Variants in GPSM2 observed in about 807,000 individuals in gnomAD.
GPSM2 encodes G protein signaling modulator 2.
Under a neutral mutation model 78.4 loss-of-function variants are expected in GPSM2, and 58 were observed. The observed-to-expected ratio is 0.74, with a 90% CI of 0.60 to 0.92. The LOEUF (loss-of-function observed/expected upper bound fraction) is 0.92, where lower values mean the gene tolerates loss of function less well. Ranked by LOEUF, GPSM2 falls within the 40% of genes least tolerant of loss-of-function variation. GPSM2 has a pLI of 0.00. For synonymous variants in GPSM2, 224 were observed against 280.2 expected, an observed-to-expected ratio of 0.80 and a Z score of 2.00; for missense variants, 700 against 815.5, an observed-to-expected ratio of 0.86 and a Z score of 1.73.
chr1:108,893,191 G>C (rs1258067097), intron 2 of GPSM2, among the ~76,000 whole-genome samples: 1 of 152,184 alleles, frequency 6.6e-6, no homozygotes. Flanking sequence ...GTCATTTGTG[G>C]TGAAGTTATT....
intron 12 of GPSM2, among the ~76,000 whole-genome samples, chr1:108,919,704 C>CA (rs1321723548): frequency 5.3e-5 from 8 of 150,226 alleles, no homozygotes; most frequent in East Asian, 2.0e-4. Context: ...GACCCTGTCT[C>CA]AAAAAAAAGA....
chr1:108,921,081 G>A (rs1650669041), intron 12 of GPSM2, among the ~76,000 whole-genome samples: 1 of 152,070 alleles, frequency 6.6e-6, no homozygotes, highest in African/African-American at 2.4e-5. Flanking sequence ...TGTCATGCAA[G>A]ATACCCTCTT....
In GPSM2 at chr1:108,927,215, C is replaced by T. The variant is rs553651615; in HGVS notation, c.1816-2486C>T. Among the ~76,000 whole-genome samples the T allele has an allele frequency of 2.6e-5, 4 of 152,294 alleles. No homozygotes were observed. In the South Asian group the frequency reaches 6.2e-4, roughly 24 times the overall value. ...ACTTAATAATGTTAACATTTCGATACTATCCAAAGTGACCTACAAATTCAG... is the reference window on the plus strand; with the variant it reads ...ACTTAATAATGTTAACATTTCGATATTATCCAAAGTGACCTACAAATTCAG... On this transcript the variant is annotated intron_variant, in intron 14 of 14. Coordinates refer to ENST00000264126, the MANE Select transcript of GPSM2 (RefSeq NM_013296.5).
At chr1:108,901,991 C>G (rs1460954177) in intron 8 of GPSM2, 46 bp downstream of exon 8, 1 of 1,293,502 alleles carries the variant, frequency 7.7e-7, no homozygotes, top group Non-Finnish European at 1.1e-6. Context: ...AATATAGATG[C>G]ATTATTGAAT....
chr1:108,891,999 G>A (rs2101368839), intron 2 of GPSM2, among the ~76,000 whole-genome samples: 1 of 152,214 alleles, frequency 6.6e-6, no homozygotes, highest in Admixed American at 6.5e-5. Flanking sequence ...CTAGATATAT[G>A]TGGTAAATTG....
intron 2 of GPSM2, among the ~76,000 whole-genome samples, chr1:108,891,386 G>C (rs924980953): frequency 3.9e-5 from 6 of 152,182 alleles, no homozygotes; most frequent in African/African-American, 1.2e-4. Context: ...TGGAGACAAA[G>C]ATAAATTTTC....
At chr1:108,920,702 TAAAAGG>T in intron 12 of GPSM2, among the ~76,000 whole-genome samples, 1 of 152,214 alleles carries the variant, frequency 6.6e-6, no homozygotes, top group East Asian at 1.9e-4. Flanking sequence ...CTATGACTAA[TAAAAGG>T]AAAAATTATG....
intron 14 of GPSM2, 105 bp downstream of exon 14, chr1:108,924,319 GTTA>G (rs755695686): frequency 3.9e-6 from 3 of 767,986 alleles, no homozygotes; most frequent in Non-Finnish European, 6.9e-6. Flanking sequence ...GTATTAGAGA[GTTA>G]TTATTGTCCA....
Position 108,929,892 on chromosome 1 carries a change from T to G in GPSM2, c.2007T>G (p.Asn669Lys). Residue 669 changes from asparagine to lysine, a missense_variant, in exon 15 of 15, where the codon AAT becomes AAG. Coordinates refer to ENST00000264126, the MANE Select transcript of GPSM2 (RefSeq NM_013296.5). Reference sequence around the variant, plus strand: ...GGCTAAAGGACTTTTTGCAAAATAATGCTTTGTTGGAGTTTAAAAATTCAG... The same window carrying G: ...GGCTAAAGGACTTTTTGCAAAATAAGGCTTTGTTGGAGTTTAAAAATTCAG... ...DFGLKDFLQN[N>K]ALLEFKNSGK... 6.2e-7 allele frequency: 1 copy of G among 1,613,782 alleles called. No homozygotes were observed. Among genetic ancestry groups the G allele is most frequent in the South Asian group, 1.1e-5 (1 of 91,072 alleles).
chr1:108,923,872 G>A, intron 13 of GPSM2, 128 bp from the exon 14 acceptor site: 1 of 713,966 alleles, frequency 1.4e-6, no homozygotes, highest in Non-Finnish European at 2.5e-6. Flanking sequence ...CGCTATAGCA[G>A]GAGGGCAGGG....
chr1:108,912,440 G>A (rs1437166474), intron 10 of GPSM2, among the ~76,000 whole-genome samples: 1 of 152,008 alleles, frequency 6.6e-6, no homozygotes, highest in Non-Finnish European at 1.5e-5. Flanking sequence ...GACAGATTTA[G>A]AGCAGTAATA....
At chr1:108,883,966 C>T (rs1036333748) in intron 1 of GPSM2, among the ~76,000 whole-genome samples, 1 of 152,112 alleles carries the variant, frequency 6.6e-6, no homozygotes, top group African/African-American at 2.4e-5. Context: ...GGCTGGAGCG[C>T]AGTGGCATAA....
rs554993831 is a variant in GPSM2, at chr1:108,906,695, T to C, written c.1192+2441T>C. Among the ~76,000 whole-genome samples the C allele has an allele frequency of 5.3e-5, 8 of 151,984 alleles. No homozygotes were observed. The East Asian group carries it at 1.5e-3, about 29-fold the overall frequency. ...GAGTTCGAGACCAGCCTGGCCAACA[T>C]GGCAAAACCCCATCTCTACTAAAAA... On this transcript the variant is annotated intron_variant, in intron 10 of 14. Transcript: ENST00000264126.
chr1:108,915,619 G>A (rs1307824387), intron 11 of GPSM2, among the ~76,000 whole-genome samples: 3 of 151,258 alleles, frequency 2.0e-5, no homozygotes, highest in Admixed American at 6.6e-5. Context: ...TAAAGACAGG[G>A]TTTCACCGTG....
In GPSM2 at chr1:108,901,836, G is replaced by C; in HGVS notation, c.844G>C (p.Ala282Pro). 1.2e-6 allele frequency: 2 copies of C among 1,612,342 alleles called. No individual in the cohort carries two copies. The highest frequency in any genetic ancestry group is 2.2e-5 in the South Asian group (2 of 91,050). ...ARQLKDRAVE[A>P]QSCYSLGNTY... ...ACAGCTTAAAGACCGAGCTGTAGAA[G>C]CACAGTCTTGTTACAGTCTTGGAAA... The change falls in exon 8 of 15, where the codon GCA (alanine) becomes CCA (proline). Residue 282 changes from alanine (A) to proline (P), a missense_variant. Transcript: ENST00000264126.
intron 2 of GPSM2, among the ~76,000 whole-genome samples, chr1:108,894,325 C>T: frequency 6.6e-6 from 1 of 152,158 alleles, no homozygotes; most frequent in Non-Finnish European, 1.5e-5. Flanking sequence ...GATCTTCTCT[C>T]CTGTATCTAA....
At chr1:108,924,293 A>G in intron 14 of GPSM2, 79 bp downstream of exon 14, 1 of 879,072 alleles carries the variant, frequency 1.1e-6, no homozygotes, top group Non-Finnish European at 1.9e-6. Flanking sequence ...ATTCTCATTC[A>G]GGAAGGGCTT....
intron 2 of GPSM2, among the ~76,000 whole-genome samples, chr1:108,891,813 T>G (rs189765108): frequency 6.6e-6 from 1 of 152,072 alleles, no homozygotes; most frequent in East Asian, 1.9e-4. Context: ...CCTCAGAGGG[T>G]TATTTTGAGA....
chr1:108,892,204 T>C (rs72984612), intron 2 of GPSM2, among the ~76,000 whole-genome samples: 13,978 of 152,246 alleles, frequency 0.092, 691 homozygotes, highest in Non-Finnish European at 0.1. Flanking sequence ...TATTCTTAAA[T>C]AGTATGTAAG....
Sources: gnomAD v4.1 joint callset for allele counts (sites outside exome capture counted in the v4.1 genomes callset) on GRCh38, gnomAD v4.1.1 for gene constraint, MANE v1.5 for transcripts, NCBI Gene and HGNC (gene_info 2026-07-23, HGNC 2026-07-21) for gene names.